NCAPG2: variants seen among roughly 807,000 people sequenced by gnomAD.
The protein encoded by NCAPG2 is condensin-2 complex subunit G2.
A neutral mutation model predicts 141.1 loss-of-function variants in NCAPG2; 53 were observed. That is an observed-to-expected ratio of 0.38 (90% CI 0.30 to 0.47). The LOEUF (loss-of-function observed/expected upper bound fraction) is 0.47, where lower values mean the gene tolerates loss of function less well. Among genes scored for constraint, NCAPG2 ranks in the 20% least tolerant of loss-of-function variants. The pLI, the probability that NCAPG2 is intolerant of heterozygous loss-of-function variation, is 0.99. For synonymous variants in NCAPG2, 499 were observed against 490.7 expected, an observed-to-expected ratio of 1.02 and a Z score of -0.22; for missense variants, 1,087 against 1,389.0, an observed-to-expected ratio of 0.78 and a Z score of 3.46.
chr7:158,677,065 C>T (rs578255684), intron 11 of NCAPG2, among the ~76,000 whole-genome samples: 1 of 152,210 alleles, frequency 6.6e-6, no homozygotes, highest in Admixed American at 6.5e-5. Context: ...CTGCAAACAA[C>T]CCCTGATGAG....
At chr7:158,683,150 A>G (rs1369855281) in intron 9 of NCAPG2, 150 bp downstream of exon 9, 1 of 590,840 alleles carries the variant, frequency 1.7e-6, no homozygotes, top group Non-Finnish European at 2.8e-6. Flanking sequence ...GGTGGCAGGA[A>G]TAAAACTGCC....
intron 27 of NCAPG2, 148 bp downstream of exon 27, chr7:158,644,141 T>A: frequency 3.4e-6 from 2 of 595,550 alleles, no homozygotes; most frequent in South Asian, 5.4e-5. Context: ...CTAAAGGTCT[T>A]TGCCAACAGA....
chr7:158,664,517 G>A lies in NCAPG2; in HGVS notation c.1702+11C>T. 2 of 1,610,904 alleles carry A rather than the reference G, an allele frequency of 1.2e-6. No homozygotes were observed. Among genetic ancestry groups the A allele is most frequent in the South Asian group, 1.1e-5 (1 of 90,828 alleles). ...ACATAACAAGAACTGAGAAATAACA[G>A]CACTCCCTACCTATGTTGGTGCAGG... On this transcript the variant is annotated intron_variant, in intron 14 of 27. Transcript: ENST00000356309.
intron 12 of NCAPG2, among the ~76,000 whole-genome samples, chr7:158,674,922 C>T (rs62478294): frequency 0.16 from 24,598 of 152,204 alleles, 2,206 homozygotes; most frequent in Middle Eastern, 0.23. Flanking sequence ...GCCTGGGTAG[C>T]CCCCTCCCTC....
intron 27 of NCAPG2, 38 bp downstream of exon 27, chr7:158,644,251 T>C (rs1230239469): frequency 6.6e-7 from 1 of 1,516,450 alleles, no homozygotes; most frequent in South Asian, 1.1e-5. Flanking sequence ...GAATGAGCAG[T>C]TTTAGATGAT....
At chr7:158,637,008 T>A (rs534941383) in intron 27 of NCAPG2, among the ~76,000 whole-genome samples, 1 of 151,254 alleles carries the variant, frequency 6.6e-6, no homozygotes, top group African/African-American at 2.5e-5. Context: ...AATGCAGTGG[T>A]GTGATCTTGG....
intron 24 of NCAPG2, among the ~76,000 whole-genome samples, chr7:158,649,192 A>C (rs1182419781): frequency 6.6e-6 from 1 of 152,246 alleles, no homozygotes; most frequent in Admixed American, 6.5e-5. Flanking sequence ...AAGCTCCCAA[A>C]TACAAGAAAA....
At chr7:158,677,977 A>AT (rs566324275) in intron 11 of NCAPG2, among the ~76,000 whole-genome samples, 9 of 149,572 alleles carry the variant, frequency 6.0e-5, no homozygotes, top group Non-Finnish European at 7.4e-5. Context: ...TGCCCAGCTG[A>AT]TTTTTTTTTT....
At chr7:158,686,985 T>G (rs1011556602) in intron 7 of NCAPG2, among the ~76,000 whole-genome samples, 3 of 152,190 alleles carry the variant, frequency 2.0e-5, no homozygotes, top group African/African-American at 7.2e-5. Context: ...CTGCTGCTCC[T>G]GCAGATTCCA....
Position 158,664,585 on chromosome 7 carries a change from C to T in NCAPG2, c.1645G>A (p.Ala549Thr), listed in dbSNP as rs966051610. ...RCVTLVQMNH[A>T]AARRFYQYAH... is the part of the protein sequence containing the mutation. ...TACTGATAGAACCTCCTGGCAGCGGCGTGGTTCATCTGCACCAGGGTGACA... is the reference window on the plus strand; with the variant it reads ...TACTGATAGAACCTCCTGGCAGCGGTGTGGTTCATCTGCACCAGGGTGACA... Residue 549 changes from alanine (A) to threonine (T), a missense_variant, in exon 14 of 28, where the codon GCC becomes ACC. By Grantham distance (58) the Ala-to-Thr change is moderately conservative (BLOSUM62 0). Transcript: ENST00000356309. 3.2e-5 allele frequency: 51 copies of T among 1,614,004 alleles called. No homozygotes were observed. Among genetic ancestry groups the T allele is most frequent in the Admixed American group, 5.0e-5 (3 of 59,990 alleles).
intron 17 of NCAPG2, 56 bp downstream of exon 17, chr7:158,658,282 C>T: frequency 6.8e-7 from 1 of 1,474,870 alleles, no homozygotes; most frequent in Non-Finnish European, 9.2e-7. Context: ...AATAATTCAG[C>T]ACAACAATGG....
At chr7:158,649,006 T>C (rs886982503) in intron 24 of NCAPG2, among the ~76,000 whole-genome samples, 1 of 152,012 alleles carries the variant, frequency 6.6e-6, no homozygotes, top group Admixed American at 6.6e-5. Flanking sequence ...AGTCAGAGGT[T>C]GTTGGACTAG....
intron 19 of NCAPG2, among the ~76,000 whole-genome samples, 180 bp from the exon 20 acceptor site, chr7:158,655,635 T>C (rs557091441): frequency 0.049 from 86 of 1,760 alleles, no homozygotes; most frequent in South Asian, 0.4. Context: ...TATGGGAAAA[T>C]GTACAGCCAG....
intron 26 of NCAPG2, 70 bp from the exon 27 acceptor site, chr7:158,644,458 C>A: frequency 7.5e-7 from 1 of 1,337,256 alleles, no homozygotes; most frequent in Admixed American, 1.7e-5. Flanking sequence ...CTCTGGTACA[C>A]ATGTGGTACA....
In NCAPG2 at chr7:158,679,951, A is replaced by C. The variant is rs1278046320; in HGVS notation, c.1146+9T>G. The C allele has an allele frequency of 1.9e-6, 3 of 1,613,202 alleles. No homozygotes were observed. Among genetic ancestry groups the C allele is most frequent in the Non-Finnish European group, 2.5e-6 (3 of 1,179,544 alleles). ...ATCTGTAAGAAGCTTGACCACCTGA[A>C]GTACGTACATAGAGCTCTTCAAACT... On this transcript the variant is annotated intron_variant, in intron 11 of 27. Coordinates refer to ENST00000356309, the MANE Select transcript of NCAPG2 (RefSeq NM_017760.7).
chr7:158,640,099 T>TA (rs965454517), intron 27 of NCAPG2: 1 of 143,870 alleles, frequency 7.0e-6, no homozygotes, highest in African/African-American at 2.6e-5. Context: ...AGGCATATCA[T>TA]ATTCAACCTA....
intron 1 of NCAPG2, among the ~76,000 whole-genome samples, chr7:158,703,890 G>A (rs947543883): frequency 2.6e-5 from 4 of 152,206 alleles, no homozygotes; most frequent in Admixed American, 2.6e-4. Context: ...TACTCTCTGA[G>A]GGCAGTGCCT....
intron 8 of NCAPG2, among the ~76,000 whole-genome samples, chr7:158,683,823 T>C (rs565773334): frequency 1.2e-4 from 19 of 152,346 alleles, no homozygotes; most frequent in African/African-American, 3.8e-4. Context: ...CGGCGGAAAC[T>C]GTAAATAAGA....
rs201983309 is a variant in NCAPG2, at chr7:158,662,412, A to C, written c.1816-45T>G. On this transcript the variant is annotated intron_variant, in intron 15 of 27. Transcript: ENST00000356309. ...ATTGTGAAAGGATCTAATCATAGCA[A>C]CTACTAAAAGGTAACAGCATCTCAG... The C allele has an allele frequency of 4.8e-6, 7 of 1,473,166 alleles. No individual in the cohort carries two copies. The African/African-American group carries it at 1.0e-4, about 21-fold the overall frequency. The allele number at this position is 1,473,166 out of a possible 1,614,324, so 91.3% of individuals were successfully genotyped here. A position where few individuals can be genotyped will look rare whatever the true frequency, so the allele number is the denominator to read the frequency against.
Sources: allele counts gnomAD v4.1 joint callset (sites outside exome capture counted in the v4.1 genomes callset), GRCh38; gene constraint gnomAD v4.1.1; transcripts MANE v1.5; gene names NCBI Gene and HGNC (gene_info 2026-07-23, HGNC 2026-07-21).